Variants in GPRC5B observed in about 807,000 individuals in gnomAD.
GPRC5B encodes G protein-coupled receptor class C group 5 member B, also known as G protein-coupled receptor family C group 5 member B.
GPRC5B carries 16 observed loss-of-function variants against 30.1 expected under a neutral mutation model. The ratio of observed to expected loss-of-function variants is 0.53; its 90% CI spans 0.36 to 0.81. GPRC5B has a LOEUF of 0.81. Ranked by LOEUF, GPRC5B falls within the 30% of genes least tolerant of loss-of-function variation. GPRC5B has a pLI of 0.01. For missense variants in GPRC5B, 428 were observed against 544.7 expected, an observed-to-expected ratio of 0.79 and a Z score of 2.13; for synonymous variants, 241 against 239.5, an observed-to-expected ratio of 1.01 and a Z score of -0.06.
chr16:19,882,019 T>A (rs1427286575), intron 1 of GPRC5B: 1 of 152,304 alleles, frequency 6.6e-6, no homozygotes, highest in African/African-American at 2.4e-5. Flanking sequence ...CATCATAGTC[T>A]GTCCCAACTC....
In GPRC5B at chr16:19,883,907, G is replaced by T. The variant is rs185008897; in HGVS notation, c.-2+820C>A. On this transcript the variant is annotated intron_variant, in intron 1 of 3. Transcript: ENST00000300571. ...GCCAAGGCGGGTGCGGGCTCCTCCC[G>T]CGCGCTCCCTTTTCGGCCTAAGCGC... is the stretch of plus-strand genomic sequence containing the variant. Among the ~76,000 whole-genome samples, 974 of 152,204 alleles carry T rather than the reference G, an allele frequency of 6.4e-3. 9 individuals are homozygous for T. Among genetic ancestry groups the T allele is most frequent in the Non-Finnish European group, 0.01 (713 of 67,980 alleles).
intron 1 of GPRC5B, among the ~76,000 whole-genome samples, chr16:19,883,878 C>CGG (rs2056828149): frequency 1.3e-5 from 2 of 152,230 alleles, no homozygotes; most frequent in Admixed American, 6.5e-5. Context: ...ACCGGCTGCC[C>CGG]GGGGCCAAGG....
intron 1 of GPRC5B, among the ~76,000 whole-genome samples, chr16:19,883,564 C>T (rs1262815402): frequency 3.9e-5 from 6 of 152,374 alleles, no homozygotes; most frequent in African/African-American, 1.2e-4. Context: ...CAGATCCCTC[C>T]CCCACTTCTC....
At chr16:19,883,881 G>A (rs2141156052) in intron 1 of GPRC5B, among the ~76,000 whole-genome samples, 1 of 152,346 alleles carries the variant, frequency 6.6e-6, no homozygotes, top group East Asian at 1.9e-4. Flanking sequence ...GGCTGCCCGG[G>A]GCCAAGGCGG....
rs1163249399 is a variant in GPRC5B, at chr16:19,864,911, ATTTTTTTT to A, written c.1031-2946_1031-2939del. Among the ~76,000 whole-genome samples the A allele has an allele frequency of 1.4e-4, 18 of 126,064 alleles. No homozygotes were observed. In the East Asian group the frequency reaches 3.4e-3, roughly 24 times the overall value. 82.7% of individuals were successfully genotyped at this position (126,064 alleles called of 152,430 possible). A position where few individuals can be genotyped will look rare whatever the true frequency, so the allele number is the denominator to read the frequency against. On this transcript the variant is annotated intron_variant, in intron 2 of 3. Transcript: ENST00000300571. Reference sequence around the variant, plus strand: ...TTCTGTGGGAGCTTTGCCCGGTCTCATTTTTTTTTTTTTTTTTTTGTCAGGGTCTCTGT... The same window carrying A: ...TTCTGTGGGAGCTTTGCCCGGTCTCATTTTTTTTTTTGTCAGGGTCTCTGT...
chr16:19,872,010 C>T lies in GPRC5B; in HGVS notation c.836G>A (p.Ser279Asn). 2 of 1,614,138 alleles carry T rather than the reference C, an allele frequency of 1.2e-6. No individual in the cohort carries two copies. Residue 279 changes from serine (S) to asparagine (N), a missense_variant, in exon 2 of 4, where the codon AGC (serine) becomes AAC (asparagine). By Grantham distance (46) the Ser-to-Asn change is conservative (BLOSUM62 1). Around this residue, in one of 3 missense-constraint regions of GPRC5B, gnomAD observed 213 missense variants for 229.1 expected, o/e 0.93. Transcript: ENST00000300571. This position sits in a 1 kb window ranked among gnomAD's most constrained non-coding sequence, Gnocchi z 5.0. ...DPTLAITLAA[S>N]GWVFVIFHAI... Reference sequence around the variant, plus strand: ...GTGGAAGATGACGAAGACCCAGCCGCTGGCCGCCAGCGTGATGGCCAAGGT... The same window carrying T: ...GTGGAAGATGACGAAGACCCAGCCGTTGGCCGCCAGCGTGATGGCCAAGGT...
chr16:19,872,318 G>A lies in GPRC5B; in HGVS notation c.528C>T (p.Ile176=), dbSNP rs761857600. The change falls in exon 2 of 4, where the codon ATC becomes ATT. Residue 176 remains isoleucine, a synonymous_variant. Coordinates refer to ENST00000300571, the MANE Select transcript of GPRC5B (RefSeq NM_016235.3). The surrounding 1 kb of genome is among the most constrained non-coding windows in gnomAD (Gnocchi z 5.0). ...ALCLMLVQVI[I]AVEWLVLTVL... is the part of the protein sequence containing the mutation. Reference sequence around the variant, plus strand: ...CGGTGAGCACCAGCCACTCCACAGCGATGATGACTTGCACCAGCATCAGGC... The same window carrying A: ...CGGTGAGCACCAGCCACTCCACAGCAATGATGACTTGCACCAGCATCAGGC... 15 of 1,613,962 alleles carry A rather than the reference G, an allele frequency of 9.3e-6. No homozygotes were observed. In the Admixed American group the frequency reaches 1.2e-4, roughly 13 times the overall value.
chr16:19,858,870 A>G lies in GPRC5B; in HGVS notation c.*1630T>C, dbSNP rs2056596642. 1 of 251,896 alleles carries G rather than the reference A, an allele frequency of 4.0e-6. No individual in the cohort carries two copies. The highest frequency in any genetic ancestry group is 7.2e-5 in the East Asian group (1 of 13,846). The allele number at this position is 251,896 out of a possible 1,614,324, so 15.6% of individuals were successfully genotyped here. ...AAGGAAATGTACTAACTGTTAAGGA[A>G]AACTCGAAGGCGGGTCACACAGGGA... On this transcript the variant is annotated 3_prime_UTR_variant, in exon 4 of 4. Coordinates refer to ENST00000300571, the MANE Select transcript of GPRC5B (RefSeq NM_016235.3).
chr16:19,871,429 C>A (rs2056718565), intron 2 of GPRC5B, among the ~76,000 whole-genome samples: 2 of 151,808 alleles, frequency 1.3e-5, no homozygotes, highest in Admixed American at 1.3e-4. Context: ...CAAGACCAAG[C>A]TGGCCAATAT....
chr16:19,861,671 T>C (rs1026710378), intron 3 of GPRC5B, among the ~76,000 whole-genome samples, 166 bp downstream of exon 3: 2 of 151,728 alleles, frequency 1.3e-5, no homozygotes, highest in African/African-American at 4.8e-5. Flanking sequence ...AGAAAAGGGG[T>C]AGAAAGGGAA....
chr16:19,885,274 G>A (rs969845519), upstream of GPRC5B: 23 of 1,282,008 alleles, frequency 1.8e-5, no homozygotes, highest in South Asian at 2.6e-4. This position sits in a 1 kb window ranked among gnomAD's most constrained non-coding sequence, Gnocchi z 5.3. Flanking sequence ...TCCAAGGGGG[G>A]TTCATAAGCA....
At position 19,872,686 on chromosome 16, in the gene GPRC5B, T is replaced by C; in HGVS notation, c.160A>G (p.Ile54Val). 1 of 1,614,090 alleles carries C rather than the reference T, an allele frequency of 6.2e-7. No individual in the cohort carries two copies. The change falls in exon 2 of 4, where the codon ATC (isoleucine) becomes GTC (valine). Residue 54 changes from isoleucine (I) to valine (V), a missense_variant. Around this residue, in one of 3 missense-constraint regions of GPRC5B, gnomAD observed 196 missense variants for 272.6 expected, o/e 0.72. Transcript: ENST00000300571. The surrounding 1 kb of genome is among the most constrained non-coding windows in gnomAD (Gnocchi z 5.0). ...ACCGCCTCCACCACAATGCCCCAGATGGCGTCCAGGTCGCACAGGGACACG... is the reference window on the plus strand; with the variant it reads ...ACCGCCTCCACCACAATGCCCCAGACGGCGTCCAGGTCGCACAGGGACACG... Reference protein sequence around the residue: ...QYVSLCDLDAIWGIVVEAVAG... With the variant: ...QYVSLCDLDAVWGIVVEAVAG...
Position 19,864,563 on chromosome 16 carries a change from G to A in GPRC5B, c.1031-2590C>T, listed in dbSNP as rs755746149. ...CTTCTGGGGCTTGGCAAAGCCACAG[G>A]CCAGCCTGGAGAATGCCCTTCCCAC... is the stretch of plus-strand genomic sequence containing the variant. On this transcript the variant is annotated intron_variant, in intron 2 of 3. Transcript: ENST00000300571. 1.9e-4 allele frequency among the ~76,000 whole-genome samples: 29 copies of A among 152,272 alleles called. 1 individual carries two copies. The highest frequency in any genetic ancestry group is 1.0e-3 in the South Asian group (5 of 4,838).
At chr16:19,861,104 A>AAAAAAAG (rs3067835) in intron 3 of GPRC5B, among the ~76,000 whole-genome samples, 1 of 151,314 alleles carries the variant, frequency 6.6e-6, no homozygotes, top group African/African-American at 2.4e-5. Flanking sequence ...AAAAAAAAAA[A>AAAAAAAG]GAAGAATGCT....
upstream of GPRC5B, chr16:19,884,930 C>A (rs1408210700): frequency 2.1e-6 from 2 of 933,140 alleles, no homozygotes; most frequent in African/African-American, 1.8e-5. Context: ...CCCCCGCCCC[C>A]GCCCCCGGCC....
Position 19,884,777 on chromosome 16 carries a change from G to A in GPRC5B, c.-52C>T, listed in dbSNP as rs1020272034. On this transcript the variant is annotated 5_prime_UTR_variant, in exon 1 of 4. Coordinates refer to ENST00000300571, the MANE Select transcript of GPRC5B (RefSeq NM_016235.3). ...ACGCTCCAGCTGGCCTTCGGCCCGA[G>A]TCACATCTCTGCGGCGCGGCCGCGG... 5.1e-6 allele frequency: 5 copies of A among 984,676 alleles called. No individual in the cohort carries two copies. In the African/African-American group the frequency reaches 8.7e-5, roughly 17 times the overall value. 61.0% of individuals were successfully genotyped at this position (984,676 alleles called of 1,614,324 possible).
At position 19,861,087 on chromosome 16, in the gene GPRC5B, T is replaced by TAAAAAAAAAAAAAAAAAAAAA. The variant is rs3067833; in HGVS notation, c.1168-544_1168-543insTTTTTTTTTTTTTTTTTTTTT. Among the ~76,000 whole-genome samples, 87 of 93,378 alleles carry TAAAAAAAAAAAAAAAAAAAAA rather than the reference T, an allele frequency of 9.3e-4. 6 individuals carry two copies. Among genetic ancestry groups the TAAAAAAAAAAAAAAAAAAAAA allele is most frequent in the African/African-American group, 4.1e-3 (84 of 20,488 alleles). The allele number at this position is 93,378 out of a possible 152,430, so 61.3% of individuals were successfully genotyped here. A position where few individuals can be genotyped will look rare whatever the true frequency, so the allele number is the denominator to read the frequency against. On this transcript the variant is annotated intron_variant, in intron 3 of 3. Coordinates refer to ENST00000300571, the MANE Select transcript of GPRC5B (RefSeq NM_016235.3). ...GATCAAAGACCATCCCTGATTTACA[T>TAAAAAAAAAAAAAAAAAAAAA]AAAAAAAAAAAAAAAAAGAAGAATG...
intron 2 of GPRC5B, among the ~76,000 whole-genome samples, chr16:19,871,598 G>C (rs1341326089): frequency 2.0e-5 from 3 of 152,176 alleles, no homozygotes; most frequent in Admixed American, 6.5e-5. Flanking sequence ...CTCCAGCCTG[G>C]GTGACAAGAG....
intron 1 of GPRC5B, among the ~76,000 whole-genome samples, chr16:19,874,474 C>T (rs1233631231): frequency 6.6e-6 from 1 of 152,228 alleles, no homozygotes; most frequent in African/African-American, 2.4e-5. Flanking sequence ...CTCCCATCCT[C>T]ACTTCCTCCA....
Sources: gnomAD v4.1 joint callset for allele counts (sites outside exome capture counted in the v4.1 genomes callset) on GRCh38, gnomAD v4.1.1 for gene constraint, gnomAD v4.1.1 regional missense constraint, Gnocchi (gnomAD v3.1) non-coding constraint, MANE v1.5 for transcripts, NCBI Gene and HGNC (gene_info 2026-07-23, HGNC 2026-07-21) for gene names.